The following PTP4A1 variants were observed in gnomAD, a reference collection of about 807,000 sequenced individuals.
PTP4A1 encodes protein tyrosine phosphatase type IVA 1.
PTP4A1 carries 9 observed loss-of-function variants against 20.5 expected under a neutral mutation model. The observed-to-expected ratio is 0.44, with a 90% CI of 0.26 to 0.77. The LOEUF is 0.77. Among genes scored for constraint, PTP4A1 ranks in the 30% least tolerant of loss-of-function variants. The pLI is 0.19. For missense variants in PTP4A1, 137 were observed against 218.8 expected, an observed-to-expected ratio of 0.63 and a Z score of 2.36; for synonymous variants, 78 against 67.4, an observed-to-expected ratio of 1.16 and a Z score of -0.77.
chr6:63,522,168 T>TA (rs1442272933), intron 1 of PTP4A1, among the ~76,000 whole-genome samples: 1 of 152,228 alleles, frequency 6.6e-6, no homozygotes, highest in Non-Finnish European at 1.5e-5. Flanking sequence ...ACTCTATATT[T>TA]ATGTTTTCTG....
At chr6:63,549,147 T>G in intron 2 of PTP4A1, 2 of 686,196 alleles carry the variant, frequency 2.9e-6, no homozygotes, top group South Asian at 3.2e-5. Flanking sequence ...GCCAGCAGCT[T>G]TCTTTTTGGC....
At chr6:63,544,267 C>G (rs1254582824) in intron 2 of PTP4A1, among the ~76,000 whole-genome samples, 1 of 152,162 alleles carries the variant, frequency 6.6e-6, no homozygotes, top group African/African-American at 2.4e-5. Context: ...CCTATTTTCA[C>G]TCAGATTCCC....
chr6:63,579,832 G>A (rs1478062557), intron 5 of PTP4A1, among the ~76,000 whole-genome samples: 6 of 152,040 alleles, frequency 3.9e-5, no homozygotes, highest in Admixed American at 3.9e-4. Context: ...TTTGTGAGTC[G>A]ACTGTTGTAA....
chr6:63,539,316 C>T (rs1775853508), intron 2 of PTP4A1, among the ~76,000 whole-genome samples: 2 of 152,138 alleles, frequency 1.3e-5, no homozygotes, highest in Non-Finnish European at 2.9e-5. Context: ...GATCTACCAC[C>T]TAACCTGAAG....
upstream of PTP4A1, among the ~76,000 whole-genome samples, chr6:63,518,154 C>T (rs1288292744): frequency 1.6e-5 from 1 of 62,112 alleles, no homozygotes; most frequent in African/African-American, 4.9e-5. Context: ...ACTCCGTCTC[C>T]AAAAAAAAAA....
chr6:63,524,064 C>A (rs543888402), intron 1 of PTP4A1, among the ~76,000 whole-genome samples: 67 of 152,196 alleles, frequency 4.4e-4, no homozygotes, highest in African/African-American at 1.3e-3. Flanking sequence ...TCACTGCAAC[C>A]TTTGCCTCCC....
chr6:63,529,139 A>ATATATATATATGTATATATATGTGTGTG (rs1562112382), intron 2 of PTP4A1, among the ~76,000 whole-genome samples: 2 of 127,022 alleles, frequency 1.6e-5, no homozygotes, highest in Non-Finnish European at 3.1e-5. Context: ...ATGTGTGTGT[A>ATATATATATATGTATATATATGTGTGTG]TATATATATG....
chr6:63,549,032 G>A (rs928891370), intron 2 of PTP4A1: 21 of 727,172 alleles, frequency 2.9e-5, no homozygotes, highest in African/African-American at 1.7e-4. Flanking sequence ...GATCCACGTC[G>A]TGTGCAATCA....
intron 1 of PTP4A1, among the ~76,000 whole-genome samples, chr6:63,523,366 C>T (rs926810666): frequency 2.0e-5 from 3 of 151,994 alleles, no homozygotes; most frequent in African/African-American, 7.2e-5. Context: ...AACCCTGTCT[C>T]TACTAGAAAA....
upstream of PTP4A1, among the ~76,000 whole-genome samples, chr6:63,517,100 T>A (rs1352033800): frequency 6.6e-6 from 1 of 152,228 alleles, no homozygotes; most frequent in Non-Finnish European, 1.5e-5. Flanking sequence ...TGAGATTATG[T>A]GCTAGCTACA....
At chr6:63,561,278 G>A (rs1268267489) in intron 3 of PTP4A1, among the ~76,000 whole-genome samples, 3 of 152,066 alleles carry the variant, frequency 2.0e-5, no homozygotes, top group East Asian at 1.9e-4. Flanking sequence ...TTTTATAATG[G>A]GAGTAATATC....
chr6:63,547,243 G>A (rs1188088441), intron 2 of PTP4A1, among the ~76,000 whole-genome samples: 1 of 148,264 alleles, frequency 6.7e-6, no homozygotes, highest in Non-Finnish European at 1.5e-5. Flanking sequence ...AGACTGGAGT[G>A]CAATGGTATG....
chr6:63,579,699 A>C (rs1778098138), intron 5 of PTP4A1, among the ~76,000 whole-genome samples: 1 of 152,216 alleles, frequency 6.6e-6, no homozygotes, highest in African/African-American at 2.4e-5. Context: ...AACACATAGA[A>C]TATTTTGAGT....
At position 63,579,268 on chromosome 6, in the gene PTP4A1, T is replaced by C. The variant is rs767560311; in HGVS notation, c.341T>C (p.Leu114Pro). The change falls in exon 5 of 6, where the codon CTT becomes CCT. Residue 114 changes from leucine (L) to proline (P), a missense_variant. Physicochemically the swap from Leu to Pro is moderately conservative, Grantham distance 98 (BLOSUM62 -3). Transcript: ENST00000626021. ...TCTTACCTCACCAGAGCTCCAGTAC[T>C]TGTTGCCCTAGCATTAATTGAAGGT... ...CVAGLGRAPV[L>P]VALALIEGGM... 6.2e-7 allele frequency: 1 copy of C among 1,610,800 alleles called. No homozygotes were observed. Among genetic ancestry groups the C allele is most frequent in the Non-Finnish European group, 8.5e-7 (1 of 1,178,314 alleles).
At chr6:63,579,172 T>A in intron 4 of PTP4A1, 85 bp from the exon 5 acceptor site, 1 of 1,443,166 alleles carries the variant, frequency 6.9e-7, no homozygotes, top group East Asian at 2.4e-5. Flanking sequence ...TAGATAATAC[T>A]TCTGAGTTGG....
At chr6:63,568,609 G>C (rs1777285674), upstream of PTP4A1, among the ~76,000 whole-genome samples, 1 of 151,620 alleles carries the variant, frequency 6.6e-6, no homozygotes, top group East Asian at 1.9e-4. Context: ...TGGAAAAATG[G>C]CTCTGATAGA....
At chr6:63,526,577 A>G (rs1176217129) in intron 1 of PTP4A1, among the ~76,000 whole-genome samples, 1 of 151,758 alleles carries the variant, frequency 6.6e-6, no homozygotes, top group East Asian at 1.9e-4. Flanking sequence ...TGGGAGACCG[A>G]GGCAGGCGGA....
intron 3 of PTP4A1, among the ~76,000 whole-genome samples, chr6:63,553,800 C>T (rs1040364553): frequency 6.6e-6 from 1 of 152,090 alleles, no homozygotes; most frequent in African/African-American, 2.4e-5. Flanking sequence ...AGGAACATAA[C>T]CAAACTAAAC....
chr6:63,573,239 C>A (rs928979976), intron 1 of PTP4A1: 1 of 152,784 alleles, frequency 6.5e-6, no homozygotes, highest in South Asian at 2.1e-4. Flanking sequence ...GCGCGTGTCA[C>A]TGCGGAGCCG....
Sources: gnomAD v4.1 joint callset for allele counts (sites outside exome capture counted in the v4.1 genomes callset) on GRCh38, gnomAD v4.1.1 for gene constraint, MANE v1.5 for transcripts, NCBI Gene and HGNC (gene_info 2026-07-23, HGNC 2026-07-21) for gene names.